RAD50: variants seen among roughly 807,000 people sequenced by gnomAD.
The protein encoded by RAD50 is DNA repair protein RAD50.
Under a neutral mutation model 168.8 loss-of-function variants are expected in RAD50, and 132 were observed. The ratio of observed to expected loss-of-function variants is 0.78; its 90% confidence interval spans 0.68 to 0.90. The LOEUF (loss-of-function observed/expected upper bound fraction) is 0.90, where lower values mean the gene tolerates loss of function less well. Among genes scored for constraint, RAD50 ranks in the 40% least tolerant of loss-of-function variants. RAD50 has a pLI of 0.00. For synonymous variants in RAD50, 525 were observed against 497.4 expected, an observed-to-expected ratio of 1.06 and a Z score of -0.74; for missense variants, 1,347 against 1,534.4, an observed-to-expected ratio of 0.88 and a Z score of 2.04.
chr5:132,632,436 C>T (rs1261719424), intron 21 of RAD50, among the ~76,000 whole-genome samples: 1 of 152,152 alleles, frequency 6.6e-6, no homozygotes, highest in Non-Finnish European at 1.5e-5. Flanking sequence ...CCAAATACAT[C>T]TTTTTTGTTC....
At chr5:132,595,871 C>G in intron 13 of RAD50, 61 bp downstream of exon 13, 1 of 1,450,668 alleles carries the variant, frequency 6.9e-7, no homozygotes, top group Non-Finnish European at 9.6e-7. Flanking sequence ...GTACCCATCT[C>G]ATGCCTGGGC....
In RAD50 at chr5:132,642,933, A is replaced by C. The variant is rs186751713; in HGVS notation, c.*569A>C. The C allele has an allele frequency of 7.9e-5, 37 of 466,816 alleles. No individual in the cohort carries two copies. The highest frequency in any genetic ancestry group is 3.6e-4 in the Admixed American group (14 of 38,672). 28.9% of individuals were successfully genotyped at this position (466,816 alleles called of 1,614,324 possible). ...TTGAAGTAGTTGAATGGGGTCTCAA[A>C]GTTTGACAGGAACCTTAAGTAATCA... On this transcript the variant is annotated 3_prime_UTR_variant, in exon 25 of 25. Transcript: ENST00000378823.
At chr5:132,615,514 A>T (rs540697348) in intron 19 of RAD50, among the ~76,000 whole-genome samples, 1 of 152,296 alleles carries the variant, frequency 6.6e-6, no homozygotes, top group Admixed American at 6.5e-5. Flanking sequence ...AAAGTTGGGG[A>T]AGACTTCAGT....
chr5:132,625,225 T>G (rs35793946), intron 21 of RAD50, among the ~76,000 whole-genome samples: 4,332 of 150,494 alleles, frequency 0.029, 90 homozygotes, highest in Middle Eastern at 0.099. Context: ...TAGCTGGGAC[T>G]ACAGGCGCCC....
At chr5:132,585,731 G>A (rs1258596778) in intron 5 of RAD50, among the ~76,000 whole-genome samples, 2 of 151,242 alleles carry the variant, frequency 1.3e-5, no homozygotes, top group African/African-American at 2.4e-5. Flanking sequence ...AGTCTCCCAC[G>A]TAGCTGGGAC....
At chr5:132,633,893 C>T (rs536678738) in intron 21 of RAD50, among the ~76,000 whole-genome samples, 43 of 142,954 alleles carry the variant, frequency 3.0e-4, no homozygotes, top group Middle Eastern at 7.5e-3. Flanking sequence ...GGTTGGATAA[C>T]GGGTAATAAT....
Position 132,588,724 on chromosome 5 carries a change from T to C in RAD50, c.1089T>C (p.His363=), listed in dbSNP as rs1444100893. The change falls in exon 8 of 25, where the codon CAT becomes CAC. Residue 363 remains histidine (H), a synonymous_variant. Transcript: ENST00000378823. ...LQLQADRHQE[H]IRARDSLIQS... ...TGCAAGCAGATCGCCATCAAGAACA[T>C]ATCCGAGCTAGAGATTCATTAATTC... 3 of 1,613,758 alleles carry C rather than the reference T, an allele frequency of 1.9e-6. No homozygotes were observed. Among genetic ancestry groups the C allele is most frequent in the African/African-American group, 1.3e-5 (1 of 74,846 alleles).
intron 3 of RAD50, among the ~76,000 whole-genome samples, chr5:132,576,223 A>G (rs1301229286): frequency 1.3e-5 from 2 of 152,198 alleles, no homozygotes; most frequent in East Asian, 3.8e-4. Flanking sequence ...ACTTAGGGTT[A>G]TGTTCCATTC....
chr5:132,573,744 C>T (rs1750346922), intron 2 of RAD50, among the ~76,000 whole-genome samples: 1 of 152,240 alleles, frequency 6.6e-6, no homozygotes, highest in Non-Finnish European at 1.5e-5. Context: ...AATGGGGATA[C>T]AGGCATTGGG....
At chr5:132,603,242 C>T (rs1398112538) in intron 13 of RAD50, 58 bp from the exon 14 acceptor site, 1 of 1,459,578 alleles carries the variant, frequency 6.9e-7, no homozygotes, top group South Asian at 1.2e-5. Context: ...AATACATAAC[C>T]TCAGTCTAAC....
At chr5:132,637,012 A>C (rs1014259128) in intron 21 of RAD50, 103 bp from the exon 22 acceptor site, 1 of 902,128 alleles carries the variant, frequency 1.1e-6, no homozygotes, top group African/African-American at 1.8e-5. Context: ...GAAGTTATTT[A>C]TATTTCTATT....
At chr5:132,613,428 A>AT (rs1459559328) in intron 19 of RAD50, among the ~76,000 whole-genome samples, 1 of 151,486 alleles carries the variant, frequency 6.6e-6, no homozygotes, top group African/African-American at 2.4e-5. Flanking sequence ...ACTGCATCTG[A>AT]TTTTTTTTCC....
chr5:132,565,707 C>A, intron 2 of RAD50, among the ~76,000 whole-genome samples: 1 of 152,180 alleles, frequency 6.6e-6, no homozygotes, highest in Non-Finnish European at 1.5e-5. Context: ...ACTCTATGAT[C>A]TGACTTCCCC....
At chr5:132,584,195 G>A (rs892101200) in intron 5 of RAD50, among the ~76,000 whole-genome samples, 1 of 152,002 alleles carries the variant, frequency 6.6e-6, no homozygotes, top group Non-Finnish European at 1.5e-5. Context: ...TTTATTGATC[G>A]CCATTCTAAC....
At chr5:132,565,460 G>A (rs1465363781) in intron 2 of RAD50, among the ~76,000 whole-genome samples, 2 of 152,080 alleles carry the variant, frequency 1.3e-5, no homozygotes, top group Non-Finnish European at 2.9e-5. Flanking sequence ...ATCCTGCGTA[G>A]GCTCTTGACT....
At chr5:132,619,873 T>TATATATATATAAAG (rs1383458808) in intron 21 of RAD50, among the ~76,000 whole-genome samples, 9 of 100,634 alleles carry the variant, frequency 8.9e-5, no homozygotes, top group East Asian at 8.9e-4. Flanking sequence ...TATATAAAGA[T>TATATATATATAAAG]ATATATATAT....
chr5:132,643,858 A>T lies in RAD50; in HGVS notation c.*1494A>T, dbSNP rs1391003139. ...ATTTCAGAAAATGAAAAATCTGTTG[A>T]TAAATCCATCACTATAATAAAACCG... On this transcript the variant is annotated 3_prime_UTR_variant, in exon 25 of 25. Coordinates refer to ENST00000378823, the MANE Select transcript of RAD50 (RefSeq NM_005732.4). 1 of 231,840 alleles carries T rather than the reference A, an allele frequency of 4.3e-6. No individual in the cohort carries two copies. The highest frequency in any genetic ancestry group is 8.5e-6 in the Non-Finnish European group (1 of 117,118). The allele number at this position is 231,840 out of a possible 1,614,324, so 14.4% of individuals were successfully genotyped here.
At chr5:132,569,575 C>T (rs1233438794) in intron 2 of RAD50, among the ~76,000 whole-genome samples, 1 of 152,160 alleles carries the variant, frequency 6.6e-6, no homozygotes, top group African/African-American at 2.4e-5. Flanking sequence ...AGAAAAGAAG[C>T]AGATGAAATA....
chr5:132,628,353 TA>T (rs898828243), intron 21 of RAD50, among the ~76,000 whole-genome samples: 1 of 152,196 alleles, frequency 6.6e-6, no homozygotes, highest in Admixed American at 6.5e-5. Context: ...GAAAAGATTT[TA>T]AAAGATGTGG....
Sources: allele counts gnomAD v4.1 joint callset (sites outside exome capture counted in the v4.1 genomes callset), GRCh38; gene constraint gnomAD v4.1.1; transcripts MANE v1.5; gene names NCBI Gene and HGNC (gene_info 2026-07-23, HGNC 2026-07-21).